Variants in GLUD2 observed in about 807,000 individuals in gnomAD.
GLUD2 encodes the protein glutamate dehydrogenase 2.
GLUD2 carries 11 observed loss-of-function variants against 16.2 expected under a neutral mutation model. The ratio of observed to expected loss-of-function variants is 0.68; its 90% confidence interval spans 0.43 to 1.13. GLUD2 has a LOEUF of 1.13. GLUD2 is among the 50% of genes most tolerant of loss of function. The pLI, the probability that GLUD2 is intolerant of heterozygous loss-of-function variation, is 0.00. For missense variants in GLUD2, 360 were observed against 456.4 expected, an observed-to-expected ratio of 0.79 and a Z score of 1.93; for synonymous variants, 147 against 181.9, an observed-to-expected ratio of 0.81 and a Z score of 1.55.
In GLUD2 at chrX:121,048,935, C is replaced by T. The variant is rs1450054262; in HGVS notation, c.1251C>T (p.Phe417=). The change falls in exon 1 of 1, where the codon TTC becomes TTT. Residue 417 remains phenylalanine, a synonymous_variant. Transcript: ENST00000328078. Reference sequence around the variant, plus strand: ...CAACTCCAGAAGCTGATAAGATCTTCCTGGAGAGAAACATTTTGGTTATTC... The same window carrying T: ...CAACTCCAGAAGCTGATAAGATCTTTCTGGAGAGAAACATTTTGGTTATTC... ...GPTTPEADKI[F]LERNILVIPD... is the part of the protein sequence containing the mutation. 1.7e-6 allele frequency: 2 copies of T among 1,211,569 alleles called. No individual in the cohort carries two copies. Among genetic ancestry groups the T allele is most frequent in the East Asian group, 3.0e-5 (1 of 33,834 alleles).
rs1390341661 is a variant in GLUD2 at position 121,049,508 on chromosome X, C to T, written c.*147C>T. 7 of 577,564 alleles carry T rather than the reference C, an allele frequency of 1.2e-5. No homozygotes were observed. The highest frequency in any genetic ancestry group is 6.5e-5 in the East Asian group (2 of 30,591). The allele number at this position is 577,564 out of a possible 1,213,427, so 47.6% of individuals were successfully genotyped here. ...CTCAACAAGTCAATCCAAATCAGCCCGTTAAGGAGAAAGAAATTAATATAC... is the reference window on the plus strand; with the variant it reads ...CTCAACAAGTCAATCCAAATCAGCCTGTTAAGGAGAAAGAAATTAATATAC... On this transcript the variant is annotated 3_prime_UTR_variant, in exon 1 of 1. Transcript: ENST00000328078.
Position 121,047,855 on chromosome X carries a change from G to T in GLUD2, c.171G>T (p.Val57=). 8.3e-7 allele frequency: 1 copy of T among 1,210,032 alleles called. No homozygotes were observed. The highest frequency in any genetic ancestry group is 1.1e-6 in the Non-Finnish European group (1 of 895,511). The change falls in exon 1 of 1, where the codon GTG becomes GTT. Residue 57 remains valine, a synonymous_variant. Transcript: ENST00000328078. ...LAARRHYSEL[V]ADREDDPNFF... is the part of the protein sequence containing the mutation. ...CCCGGCGCCACTACAGCGAGTTGGTGGCCGACCGCGAGGACGACCCCAACT... is the reference window on the plus strand; with the variant it reads ...CCCGGCGCCACTACAGCGAGTTGGTTGCCGACCGCGAGGACGACCCCAACT...
chrX:121,047,815 G>A lies in GLUD2; in HGVS notation c.131G>A (p.Gly44Glu), dbSNP rs1383255913. Residue 44 changes from glycine to glutamate, a missense_variant, in exon 1 of 1, where the codon GGG becomes GAG. Physicochemically the swap from Gly to Glu is moderately conservative, Grantham distance 98. Around this residue, in one of 3 missense-constraint regions of GLUD2, gnomAD observed 58 missense variants for 49.9 expected, o/e 1.16. Transcript: ENST00000328078. Reference sequence around the variant, plus strand: ...CAGCCCGCCGCCGCCTCGCAGCCGGGGCTCGCATTGGCCGCCCGGCGCCAC... The same window carrying A: ...CAGCCCGCCGCCGCCTCGCAGCCGGAGCTCGCATTGGCCGCCCGGCGCCAC... ...RGQPAAASQP[G>E]LALAARRHYS... 2.5e-6 allele frequency: 3 copies of A among 1,208,393 alleles called. No homozygotes were observed. The South Asian group carries it at 5.3e-5, about 21-fold the overall frequency.
At position 121,048,084 on chromosome X, in the gene GLUD2, G is replaced by A. The variant is rs1925397392; in HGVS notation, c.400G>A (p.Gly134Ser). ...RDDGSWEVIEGYRAQHSQHRT... is the reference protein window; with the variant it reads ...RDDGSWEVIESYRAQHSQHRT... ...CGACGGCTCCTGGGAGGTCATCGAAGGCTACCGGGCCCAGCACAGCCAGCA... is the reference window on the plus strand; with the variant it reads ...CGACGGCTCCTGGGAGGTCATCGAAAGCTACCGGGCCCAGCACAGCCAGCA... Residue 134 changes from glycine (G) to serine (S), a missense_variant, in exon 1 of 1, where the codon GGC becomes AGC. Gly to Ser is a moderately conservative substitution (Grantham distance 56). Coordinates refer to ENST00000328078, the MANE Select transcript of GLUD2 (RefSeq NM_012084.4). 2.5e-6 allele frequency: 3 copies of A among 1,211,880 alleles called. No homozygotes were observed. The highest frequency in any genetic ancestry group is 3.3e-6 in the Non-Finnish European group (3 of 895,566).
rs189203643 is a variant in GLUD2, at chrX:121,048,670, C to T, written c.986C>T (p.Ala329Val). 8.3e-7 allele frequency: 1 copy of T among 1,209,470 alleles called. No homozygotes were observed. The highest frequency in any genetic ancestry group is 1.7e-5 in the African/African-American group (1 of 57,180). Residue 329 changes from alanine (A) to valine (V), a missense_variant, in exon 1 of 1, where the codon GCT (alanine) becomes GTT (valine). By Grantham distance (64) the Ala-to-Val change is moderately conservative. This residue lies in a region of GLUD2 where 279 missense variants were observed against 352.9 expected (regional missense o/e 0.79). Transcript: ENST00000328078. ...CATCGTTTTGGTGCTAAATGTATTG[C>T]TGTTGGTGAGTCTGATGGGAGTATA... is the stretch of plus-strand genomic sequence containing the variant. ...YLHRFGAKCI[A>V]VGESDGSIWN... is the part of the protein sequence containing the mutation.
Position 121,049,267 on chromosome X carries a change from A to G in GLUD2, c.1583A>G (p.Tyr528Cys). 1 of 1,211,560 alleles carries G rather than the reference A, an allele frequency of 8.3e-7. No individual in the cohort carries two copies. The highest frequency in any genetic ancestry group is 2.2e-5 in the Admixed American group (1 of 46,089). ...ARQIMHTAMK[Y>C]NLGLDLRTAA... ...CAAATTATGCACACAGCCATGAAGTATAACCTGGGATTGGACCTGAGAACA... is the reference window on the plus strand; with the variant it reads ...CAAATTATGCACACAGCCATGAAGTGTAACCTGGGATTGGACCTGAGAACA... Residue 528 changes from tyrosine (Y) to cysteine (C), a missense_variant, in exon 1 of 1, where the codon TAT becomes TGT. Physicochemically the swap from Tyr to Cys is radical, Grantham distance 194. Coordinates refer to ENST00000328078, the MANE Select transcript of GLUD2 (RefSeq NM_012084.4).
At position 121,048,767 on chromosome X, in the gene GLUD2, C is replaced by A. The variant is rs1224506725; in HGVS notation, c.1083C>A (p.Phe361Leu). Residue 361 changes from phenylalanine (F) to leucine (L), a missense_variant, in exon 1 of 1, where the codon TTC becomes TTA. Phe to Leu is a conservative substitution (Grantham distance 22, BLOSUM62 0). Transcript: ENST00000328078. ...FKLQHGSILGFPKAKPYEGSI... is the reference protein window; with the variant it reads ...FKLQHGSILGLPKAKPYEGSI... The stretch of plus-strand genomic sequence containing the variant: ...TGCAACATGGGTCCATTCTGGGCTT[C>A]CCCAAGGCAAAGCCCTATGAAGGAA... 4 of 1,211,309 alleles carry A rather than the reference C, an allele frequency of 3.3e-6. No homozygotes were observed. Among genetic ancestry groups the A allele is most frequent in the Admixed American group, 2.2e-5 (1 of 46,016 alleles).
chrX:121,048,116 G>T lies in GLUD2; in HGVS notation c.432G>T (p.Thr144=). Residue 144 remains threonine (T), a synonymous_variant, in exon 1 of 1, where the codon ACG becomes ACT. Transcript: ENST00000328078. ...GYRAQHSQHR[T]PCKGGIRYST... is the part of the protein sequence containing the mutation. Reference sequence around the variant, plus strand: ...GGGCCCAGCACAGCCAGCACCGCACGCCCTGCAAGGGAGGTATCCGTTACA... The same window carrying T: ...GGGCCCAGCACAGCCAGCACCGCACTCCCTGCAAGGGAGGTATCCGTTACA... The T allele has an allele frequency of 8.3e-6, 10 of 1,211,994 alleles. No homozygotes were observed. The highest frequency in any genetic ancestry group is 1.1e-5 in the Non-Finnish European group (10 of 895,611).
Position 121,048,091 on chromosome X carries a change from G to A in GLUD2, c.407G>A (p.Arg136Gln), listed in dbSNP as rs1459976677. The change falls in exon 1 of 1, where the codon CGG becomes CAG. Residue 136 changes from arginine (R) to glutamine (Q), a missense_variant. Transcript: ENST00000328078. ...TCCTGGGAGGTCATCGAAGGCTACC[G>A]GGCCCAGCACAGCCAGCACCGCACG... ...DGSWEVIEGYRAQHSQHRTPC... is the reference protein window; with the variant it reads ...DGSWEVIEGYQAQHSQHRTPC... 1 of 1,211,782 alleles carries A rather than the reference G, an allele frequency of 8.3e-7. No homozygotes were observed. Among genetic ancestry groups the A allele is most frequent in the Non-Finnish European group, 1.1e-6 (1 of 895,517 alleles).
Position 121,047,674 on chromosome X carries a change from C to A in GLUD2, c.-11C>A. 1 of 1,058,346 alleles carries A rather than the reference C, an allele frequency of 9.4e-7. No individual in the cohort carries two copies. The highest frequency in any genetic ancestry group is 1.2e-6 in the Non-Finnish European group (1 of 813,058). 87.2% of individuals were successfully genotyped at this position (1,058,346 alleles called of 1,213,427 possible). On this transcript the variant is annotated 5_prime_UTR_variant, in exon 1 of 1. Coordinates refer to ENST00000328078, the MANE Select transcript of GLUD2 (RefSeq NM_012084.4). Reference sequence around the variant, plus strand: ...CCGCGACCGTCACGCACCCCTCCTCCGCCTGCCGCGATGTACCGCTACCTG... The same window carrying A: ...CCGCGACCGTCACGCACCCCTCCTCAGCCTGCCGCGATGTACCGCTACCTG...
chrX:121,047,755 ACCAC>A lies in GLUD2; in HGVS notation c.72_75del (p.His25ArgfsTer61), dbSNP rs1207404403. On this transcript the variant is annotated frameshift_variant, in exon 1 of 1. Transcript: ENST00000328078. LOFTEE classifies it high-confidence loss of function. ...CCCGCTGCCCTGGGCTCCGCGGCCA[ACCAC>A]TCGGCCGCGTTGCTGGGCCGGGGCC... The A allele has an allele frequency of 3.5e-6, 4 of 1,131,593 alleles. No individual in the cohort carries two copies. The highest frequency in any genetic ancestry group is 4.6e-6 in the Non-Finnish European group (4 of 862,062). The allele number at this position is 1,131,593 out of a possible 1,213,427, so 93.3% of individuals were successfully genotyped here.
chrX:121,047,656 C>G lies in GLUD2; in HGVS notation c.-29C>G, dbSNP rs778642434. 1.0e-6 allele frequency: 1 copy of G among 976,680 alleles called. No homozygotes were observed. Among genetic ancestry groups the G allele is most frequent in the Admixed American group, 3.7e-5 (1 of 26,782 alleles). The allele number at this position is 976,680 out of a possible 1,213,427, so 80.5% of individuals were successfully genotyped here. A position where few individuals can be genotyped will look rare whatever the true frequency, so the allele number is the denominator to read the frequency against. ...TGAGAAAGCGCACCTGTTCCGCGAC[C>G]GTCACGCACCCCTCCTCCGCCTGCC... On this transcript the variant is annotated 5_prime_UTR_variant, in exon 1 of 1. Coordinates refer to ENST00000328078, the MANE Select transcript of GLUD2 (RefSeq NM_012084.4).
In GLUD2 at chrX:121,048,816, A is replaced by C. The variant is rs1289154979; in HGVS notation, c.1132A>C (p.Ile378Leu). Residue 378 changes from isoleucine (I) to leucine (L), a missense_variant, in exon 1 of 1, where the codon ATA (isoleucine) becomes CTA (leucine). By Grantham distance (5) the Ile-to-Leu change is conservative. Coordinates refer to ENST00000328078, the MANE Select transcript of GLUD2 (RefSeq NM_012084.4). ...EGSILEVDCDILIPAATEKQL... is the reference protein window; with the variant it reads ...EGSILEVDCDLLIPAATEKQL... ...AAGCATCTTGGAGGTCGACTGTGAC[A>C]TACTGATCCCAGCTGCCACTGAGAA... 4.1e-6 allele frequency: 5 copies of C among 1,211,895 alleles called. No individual in the cohort carries two copies. The highest frequency in any genetic ancestry group is 4.5e-6 in the Non-Finnish European group (4 of 895,577).
At position 121,047,775 on chromosome X, in the gene GLUD2, G is replaced by C; in HGVS notation, c.91G>C (p.Gly31Arg). The part of the protein sequence containing the change: ...SAANHSAALL[G>R]RGRGQPAAAS... ...GGCCAACCACTCGGCCGCGTTGCTGGGCCGGGGCCGCGGACAGCCCGCCGC... is the reference window on the plus strand; with the variant it reads ...GGCCAACCACTCGGCCGCGTTGCTGCGCCGGGGCCGCGGACAGCCCGCCGC... The change falls in exon 1 of 1, where the codon GGC becomes CGC. Residue 31 changes from glycine to arginine, a missense_variant. By Grantham distance (125) the Gly-to-Arg change is moderately radical. This residue lies in a region of GLUD2 where 58 missense variants were observed against 49.9 expected (regional missense o/e 1.16). Coordinates refer to ENST00000328078, the MANE Select transcript of GLUD2 (RefSeq NM_012084.4). The C allele has an allele frequency of 2.6e-6, 3 of 1,171,455 alleles. No individual in the cohort carries two copies. Among genetic ancestry groups the C allele is most frequent in the Non-Finnish European group, 2.3e-6 (2 of 876,056 alleles).
rs1185760917 is a variant in GLUD2, at chrX:121,047,841, T to C, written c.157T>C (p.Tyr53His). ...GCTCGCATTGGCCGCCCGGCGCCAC[T>C]ACAGCGAGTTGGTGGCCGACCGCGA... ...PGLALAARRH[Y>H]SELVADREDD... The change falls in exon 1 of 1, where the codon TAC becomes CAC. Residue 53 changes from tyrosine to histidine, a missense_variant. Transcript: ENST00000328078. 8.3e-7 allele frequency: 1 copy of C among 1,209,623 alleles called. No homozygotes were observed. Among genetic ancestry groups the C allele is most frequent in the Non-Finnish European group, 1.1e-6 (1 of 895,392 alleles).
In GLUD2 at chrX:121,047,779, G is replaced by A; in HGVS notation, c.95G>A (p.Arg32Gln). Reference sequence around the variant, plus strand: ...AACCACTCGGCCGCGTTGCTGGGCCGGGGCCGCGGACAGCCCGCCGCCGCC... The same window carrying A: ...AACCACTCGGCCGCGTTGCTGGGCCAGGGCCGCGGACAGCCCGCCGCCGCC... ...AANHSAALLG[R>Q]GRGQPAAASQ... The change falls in exon 1 of 1, where the codon CGG becomes CAG. Residue 32 changes from arginine to glutamine, a missense_variant. Arg to Gln is a conservative substitution (Grantham distance 43). Transcript: ENST00000328078. 3 of 1,177,204 alleles carry A rather than the reference G, an allele frequency of 2.5e-6. No homozygotes were observed. The highest frequency in any genetic ancestry group is 3.5e-5 in the African/African-American group (2 of 56,899).
At position 121,048,009 on chromosome X, in the gene GLUD2, A is replaced by G. The variant is rs769151535; in HGVS notation, c.325A>G (p.Ile109Val). The G allele has an allele frequency of 6.6e-6, 8 of 1,211,952 alleles. No individual in the cohort carries two copies. Among genetic ancestry groups the G allele is most frequent in the Non-Finnish European group, 8.9e-6 (8 of 895,520 alleles). ...CCGGGTGCGCGGCATCCTGCGGATCATCAAGCCCTGCAACCATGTGCTGAG... is the reference window on the plus strand; with the variant it reads ...CCGGGTGCGCGGCATCCTGCGGATCGTCAAGCCCTGCAACCATGTGCTGAG... ...RNRVRGILRI[I>V]KPCNHVLSLS... The change falls in exon 1 of 1, where the codon ATC becomes GTC. Residue 109 changes from isoleucine to valine, a missense_variant. Transcript: ENST00000328078.
rs1925443798 is a variant in GLUD2 at position 121,049,171 on chromosome X, G to A, written c.1487G>A (p.Ser496Asn). Residue 496 changes from serine (S) to asparagine (N), a missense_variant, in exon 1 of 1, where the codon AGT becomes AAT. Physicochemically the swap from Ser to Asn is conservative, Grantham distance 46 (BLOSUM62 1). Transcript: ENST00000328078. ...PIVPTAEFQD[S>N]ISGASEKDIV... The stretch of plus-strand genomic sequence containing the variant: ...GTACCCACGGCAGAGTTCCAAGACA[G>A]TATATCGGGTGCATCTGAGAAAGAC... 6.6e-6 allele frequency: 8 copies of A among 1,211,945 alleles called. No individual in the cohort carries two copies. The highest frequency in any genetic ancestry group is 8.9e-6 in the Non-Finnish European group (8 of 895,526).
In GLUD2 at chrX:121,048,369, G is replaced by C. The variant is rs1454313298; in HGVS notation, c.685G>C (p.Gly229Arg). The C allele has an allele frequency of 4.1e-6, 5 of 1,209,795 alleles. No homozygotes were observed. Among genetic ancestry groups the C allele is most frequent in the Non-Finnish European group, 5.6e-6 (5 of 895,222 alleles). The change falls in exon 1 of 1, where the codon GGT becomes CGT. Residue 229 changes from glycine (G) to arginine (R), a missense_variant. By Grantham distance (125) the Gly-to-Arg change is moderately radical. This residue lies in a region of GLUD2 where 279 missense variants were observed against 352.9 expected (regional missense o/e 0.79). Transcript: ENST00000328078. ...TGTGCCTGCTCCAGACATGAACACA[G>C]GTGAGCGGGAGATGTCCTGGATTGC... Reference protein sequence around the residue: ...VDVPAPDMNTGEREMSWIADT... With the variant: ...VDVPAPDMNTREREMSWIADT...
Sources: gnomAD v4.1 joint callset for allele counts on GRCh38, gnomAD v4.1.1 for gene constraint, gnomAD v4.1.1 regional missense constraint, MANE v1.5 for transcripts, NCBI Gene and HGNC (gene_info 2026-07-23, HGNC 2026-07-21) for gene names.